AGBL1: variants seen among roughly 807,000 people sequenced by gnomAD.
AGBL1 encodes the protein AGBL carboxypeptidase 1.
In AGBL1, 130 loss-of-function variants were observed where a neutral mutation model predicts 118.9. That is an observed-to-expected ratio of 1.09 (90% CI 0.95 to 1.26). The LOEUF is 1.26. Ranked by LOEUF, AGBL1 falls within the 50% of genes most tolerant of loss-of-function variation. The pLI is 0.00. For synonymous variants in AGBL1, 555 were observed against 478.9 expected, an observed-to-expected ratio of 1.16 and a Z score of -2.08; for missense variants, 1,584 against 1,298.1, an observed-to-expected ratio of 1.22 and a Z score of -3.38.
At chr15:86,564,522 C>A (rs2083882403) in intron 21 of AGBL1, among the ~76,000 whole-genome samples, 1 of 152,170 alleles carries the variant, frequency 6.6e-6, no homozygotes, top group South Asian at 2.1e-4. Flanking sequence ...ATGGGCTTCC[C>A]TTTGTGGGTA....
intron 12 of AGBL1, 30 bp from the exon 13 acceptor site, chr15:86,266,958 CAT>C (rs1448291708): frequency 3.5e-6 from 5 of 1,447,748 alleles, no homozygotes; most frequent in Admixed American, 3.9e-5. Context: ...AGTGATAACA[CAT>C]ATGTTCACAT....
intron 23 of AGBL1, among the ~76,000 whole-genome samples, chr15:86,941,844 C>A (rs2080755908): frequency 6.6e-6 from 1 of 152,204 alleles, no homozygotes; most frequent in African/African-American, 2.4e-5. Context: ...GGGAACATGC[C>A]AGAAGCAGGA....
intron 1 of AGBL1, among the ~76,000 whole-genome samples, chr15:86,126,009 C>G (rs185138441): frequency 6.6e-6 from 1 of 152,146 alleles, no homozygotes; most frequent in African/African-American, 2.4e-5. Context: ...ACTCAACTGG[C>G]TAATTGCCAA....
intron 22 of AGBL1, among the ~76,000 whole-genome samples, chr15:86,801,009 A>T (rs996032969): frequency 6.6e-6 from 1 of 152,068 alleles, no homozygotes; most frequent in Non-Finnish European, 1.5e-5. Flanking sequence ...CTCCAACAAA[A>T]GGTCGTTGAG....
At chr15:86,165,309 C>A (rs1045516330) in intron 5 of AGBL1, among the ~76,000 whole-genome samples, 2 of 152,130 alleles carry the variant, frequency 1.3e-5, no homozygotes, top group Non-Finnish European at 2.9e-5. Flanking sequence ...GCTTTATTGG[C>A]AGCCCTTTCT....
intron 1 of AGBL1, among the ~76,000 whole-genome samples, chr15:86,118,455 A>G (rs919390934): frequency 2.0e-5 from 3 of 148,060 alleles, no homozygotes; most frequent in Non-Finnish European, 4.5e-5. Context: ...CACCAATGAC[A>G]ACATTATAAT....
At chr15:86,710,293 G>T (rs1168202795) in intron 22 of AGBL1, among the ~76,000 whole-genome samples, 1 of 152,264 alleles carries the variant, frequency 6.6e-6, no homozygotes, top group South Asian at 2.1e-4. Flanking sequence ...CGTGATTAGA[G>T]AATTCATCGC....
At chr15:86,806,153 G>C (rs1024426716) in intron 22 of AGBL1, among the ~76,000 whole-genome samples, 4 of 152,118 alleles carry the variant, frequency 2.6e-5, no homozygotes, top group African/African-American at 9.7e-5. Flanking sequence ...CTTGGAGCCA[G>C]CTCTTCCTCC....
At chr15:86,775,580 C>T (rs1339484076) in intron 22 of AGBL1, among the ~76,000 whole-genome samples, 1 of 151,994 alleles carries the variant, frequency 6.6e-6, no homozygotes, top group South Asian at 2.1e-4. Flanking sequence ...CTTGGCATGG[C>T]TAGTTTCTGG....
chr15:86,525,201 G>A (rs1190353393), intron 19 of AGBL1, among the ~76,000 whole-genome samples: 1 of 151,138 alleles, frequency 6.6e-6, no homozygotes, highest in Non-Finnish European at 1.5e-5. Context: ...GAAGGTAAAA[G>A]ATCACTACAA....
At chr15:86,400,161 G>C (rs934815273) in intron 18 of AGBL1, among the ~76,000 whole-genome samples, 1 of 151,892 alleles carries the variant, frequency 6.6e-6, no homozygotes, top group Non-Finnish European at 1.5e-5. Context: ...TTTATTTCAG[G>C]GCATGCCCAC....
At chr15:86,760,906 C>A (rs1055433495) in intron 22 of AGBL1, among the ~76,000 whole-genome samples, 2 of 152,056 alleles carry the variant, frequency 1.3e-5, no homozygotes, top group African/African-American at 4.8e-5. Context: ...GTGGACAGTT[C>A]AGTAAAACTG....
At chr15:86,708,321 T>C (rs2142675087) in intron 22 of AGBL1, among the ~76,000 whole-genome samples, 2 of 152,044 alleles carry the variant, frequency 1.3e-5, no homozygotes, top group South Asian at 4.2e-4. Context: ...AGAAAAGACA[T>C]AGGAGAGGTC....
intron 22 of AGBL1, among the ~76,000 whole-genome samples, chr15:86,739,245 A>G (rs1270139731): frequency 6.6e-6 from 1 of 152,010 alleles, no homozygotes; most frequent in Non-Finnish European, 1.5e-5. Context: ...GGAGTTTGAG[A>G]CCAGCCTGAC....
At chr15:86,539,066 C>G (rs2083460669) in intron 19 of AGBL1, among the ~76,000 whole-genome samples, 1 of 142,060 alleles carries the variant, frequency 7.0e-6, no homozygotes, top group East Asian at 2.2e-4. Flanking sequence ...GGAAAAGGTC[C>G]TAGGAAGATG....
rs1489451016 is a variant in AGBL1 at position 86,400,485 on chromosome 15, A to G, written c.2555+2939A>G. Among the ~76,000 whole-genome samples the G allele has an allele frequency of 4.8e-5, 7 of 146,210 alleles. No homozygotes were observed. The South Asian group carries it at 1.1e-3, about 23-fold the overall frequency. The stretch of plus-strand genomic sequence containing the variant: ...TAATGTATTTTAACAGTTTTGGGGG[A>G]ACAGGTTTTTTTTTTTTGGCTACGT... On this transcript the variant is annotated intron_variant, in intron 18 of 22. Coordinates refer to ENST00000614907, the MANE Select transcript of AGBL1 (RefSeq NM_001386094.1).
chr15:86,481,884 T>G (rs932393402), intron 18 of AGBL1, among the ~76,000 whole-genome samples: 6 of 152,130 alleles, frequency 3.9e-5, no homozygotes, highest in Admixed American at 3.9e-4. Context: ...TAGAAGGGGT[T>G]GTGTTTTACT....
At chr15:86,696,553 G>C (rs990962863) in intron 22 of AGBL1, among the ~76,000 whole-genome samples, 1 of 151,596 alleles carries the variant, frequency 6.6e-6, no homozygotes, top group Non-Finnish European at 1.5e-5. Flanking sequence ...CTGCAATTCT[G>C]TATCTTTTAA....
intron 3 of AGBL1, among the ~76,000 whole-genome samples, chr15:86,150,802 G>T (rs1366267354): frequency 6.6e-6 from 1 of 152,130 alleles, no homozygotes; most frequent in Admixed American, 6.5e-5. Context: ...CCAAAGTCTG[G>T]CAGAGACACA....
Sources: allele counts gnomAD v4.1 joint callset (sites outside exome capture counted in the v4.1 genomes callset), GRCh38; gene constraint gnomAD v4.1.1; transcripts MANE v1.5; gene names NCBI Gene and HGNC (gene_info 2026-07-23, HGNC 2026-07-21).